Variants in TASOR2 observed in about 807,000 individuals in gnomAD.
TASOR2 encodes the protein protein TASOR 2.
TASOR2 carries 84 observed loss-of-function variants against 199.5 expected under a neutral mutation model. The observed-to-expected ratio is 0.42, with a 90% CI of 0.35 to 0.50. The LOEUF (loss-of-function observed/expected upper bound fraction) is 0.50. Among genes scored for constraint, TASOR2 ranks in the 20% least tolerant of loss-of-function variants. The probability of loss-of-function intolerance (pLI) is 0.02; values close to 1 mark genes in which losing one functional copy is unlikely to be tolerated. For missense variants in TASOR2, 2,796 were observed against 2,835.9 expected (o/e 0.99, Z 0.32); for synonymous variants, 1,103 against 1,046.6 (o/e 1.05, Z -1.04).
intron 2 of TASOR2, among the ~76,000 whole-genome samples, chr10:5,715,394 C>G (rs1022502025): frequency 6.6e-6 from 1 of 152,136 alleles, no homozygotes; most frequent in African/African-American, 2.4e-5. Context: ...TCCCCATTCT[C>G]TACCATCTCT....
chr10:5,692,149 CAA>C (rs3047334), intron 1 of TASOR2, among the ~76,000 whole-genome samples: 8 of 112,254 alleles, frequency 7.1e-5, no homozygotes, highest in South Asian at 3.0e-4. Context: ...CACTCTGTCT[CAA>C]AAAAAAAAAA....
At position 5,740,157 on chromosome 10, in the gene TASOR2, C is replaced by A; in HGVS notation, c.1987C>A (p.His663Asn). ...TTCATATGCCCTGCTCCTTACAGAA[C>A]ATTCAAAGAAACATCTACAGGAGAG... Residue 663 changes from histidine to asparagine, a missense_variant, in exon 13 of 21, where the codon CAT (histidine) becomes AAT (asparagine). By Grantham distance (68) the His-to-Asn change is moderately conservative. Transcript: ENST00000328090. The surrounding 1 kb of genome is among the most constrained non-coding windows in gnomAD (Gnocchi z 5.3). The A allele has an allele frequency of 6.2e-7, 1 of 1,614,230 alleles. No individual in the cohort carries two copies. Among genetic ancestry groups the A allele is most frequent in the Non-Finnish European group, 8.5e-7 (1 of 1,180,048 alleles).
At chr10:5,733,823 G>A (rs2131599477) in intron 11 of TASOR2, among the ~76,000 whole-genome samples, 1 of 152,190 alleles carries the variant, frequency 6.6e-6, no homozygotes, top group Non-Finnish European at 1.5e-5. Context: ...TTTAGAAAAT[G>A]TAATTAGAGT....
chr10:5,742,915 A>G lies in TASOR2; in HGVS notation c.2757+389A>G, dbSNP rs753626570. 5.3e-5 allele frequency among the ~76,000 whole-genome samples: 8 copies of G among 152,260 alleles called. No individual in the cohort carries two copies. Among genetic ancestry groups the G allele is most frequent in the Non-Finnish European group, 8.8e-5 (6 of 68,046 alleles). ...ATAAATCTTAGATATACTTTGATAA[A>G]CCTTAAAGTAAACTAAAATTAATTG... On this transcript the variant is annotated intron_variant, in intron 14 of 20. Transcript: ENST00000328090. This position sits in a 1 kb window ranked among gnomAD's most constrained non-coding sequence, Gnocchi z 4.2.
rs1835811598 is a variant in TASOR2 at position 5,737,606 on chromosome 10, A to G, written c.1448-2012A>G. Among the ~76,000 whole-genome samples the G allele has an allele frequency of 6.6e-6, 1 of 152,036 alleles. No individual in the cohort carries two copies. Among genetic ancestry groups the G allele is most frequent in the South Asian group, 2.1e-4 (1 of 4,820 alleles). On this transcript the variant is annotated intron_variant, in intron 12 of 20. Coordinates refer to ENST00000328090, the Ensembl canonical transcript of TASOR2. This position sits in a 1 kb window ranked among gnomAD's most constrained non-coding sequence, Gnocchi z 4.9. ...TATCCCCACAGGGAGGCGTTTTCTC[A>G]TGTTGTGACTGTAACTAATCTCTCA...
Position 5,719,228 on chromosome 10 carries a change from T to C in TASOR2, c.-99-1316T>C, listed in dbSNP as rs1344298882. 6.6e-6 allele frequency among the ~76,000 whole-genome samples: 1 copy of C among 152,234 alleles called. No individual in the cohort carries two copies. The highest frequency in any genetic ancestry group is 1.5e-5 in the Non-Finnish European group (1 of 68,032). On this transcript the variant is annotated intron_variant, in intron 3 of 20. Transcript: ENST00000328090. This position sits in a 1 kb window ranked among gnomAD's most constrained non-coding sequence, Gnocchi z 4.1. ...TATAGTCCCATATCCCATTTTGATA[T>C]AAGTTAATAACATCTTGTGAACATT... is the stretch of plus-strand genomic sequence containing the variant.
chr10:5,757,540 G>T (rs1209747374), exon 17 of TASOR2: 1 of 1,605,952 alleles, frequency 6.2e-7, no homozygotes, highest in Non-Finnish European at 8.5e-7. Flanking sequence ...TGCTGAAGCT[G>T]AAGCATTTCC....
chr10:5,737,715 A>G lies in TASOR2; in HGVS notation c.1448-1903A>G, dbSNP rs911158824. Reference sequence around the variant, plus strand: ...TGACATGTCTTGGTCCAATCTTTCCAATTTGTAAACATGAGAATAGGTAAC... The same window carrying G: ...TGACATGTCTTGGTCCAATCTTTCCGATTTGTAAACATGAGAATAGGTAAC... On this transcript the variant is annotated intron_variant, in intron 12 of 20. Coordinates refer to ENST00000328090, the Ensembl canonical transcript of TASOR2. This position sits in a 1 kb window ranked among gnomAD's most constrained non-coding sequence, Gnocchi z 4.9. Among the ~76,000 whole-genome samples, 3 of 152,314 alleles carry G rather than the reference A, an allele frequency of 2.0e-5. No homozygotes were observed. Among genetic ancestry groups the G allele is most frequent in the African/African-American group, 7.2e-5 (3 of 41,576 alleles).
At chr10:5,734,379 C>G (rs886309792) in intron 11 of TASOR2, among the ~76,000 whole-genome samples, 1 of 152,186 alleles carries the variant, frequency 6.6e-6, no homozygotes, top group Non-Finnish European at 1.5e-5. Context: ...TCAGGCTTCC[C>G]AGAGCGCTTC....
rs6602819 is a variant in TASOR2 at position 5,690,889 on chromosome 10, A to G, written c.-288+5714A>G. Reference sequence around the variant, plus strand: ...ACCATATAAGCTTTGAAATAATTCTAATGAAAATTATATGACCTTGAGGCT... The same window carrying G: ...ACCATATAAGCTTTGAAATAATTCTGATGAAAATTATATGACCTTGAGGCT... On this transcript the variant is annotated intron_variant, in intron 1 of 20. Coordinates refer to ENST00000328090, the Ensembl canonical transcript of TASOR2. The surrounding 1 kb of genome is among the most constrained non-coding windows in gnomAD (Gnocchi z 4.8). Among the ~76,000 whole-genome samples the G allele has an allele frequency of 0.29, 43,763 of 152,058 alleles. 6,837 individuals are homozygous for G. The highest frequency in any genetic ancestry group is 0.35 in the Non-Finnish European group (23,670 of 67,970).
chr10:5,747,054 C>G, exon 15 of TASOR2: 3 of 1,614,156 alleles, frequency 1.9e-6, no homozygotes, highest in South Asian at 2.2e-5. Context: ...CATCATCAGC[C>G]TCTACCACCT....
At chr10:5,746,365 G>A (rs778866633) in exon 15 of TASOR2, 13 of 1,614,118 alleles carry the variant, frequency 8.1e-6, no homozygotes, top group East Asian at 2.2e-5. Context: ...CAGGACTTAC[G>A]ATGGGCCTGG....
chr10:5,732,333 C>T (rs1257515345), intron 11 of TASOR2, among the ~76,000 whole-genome samples: 1 of 152,258 alleles, frequency 6.6e-6, no homozygotes, highest in African/African-American at 2.4e-5. Flanking sequence ...TCGTCTCTGG[C>T]TGCTCTCATG....
intron 2 of TASOR2, among the ~76,000 whole-genome samples, chr10:5,717,203 A>G (rs1024906039): frequency 3.9e-5 from 6 of 152,078 alleles, no homozygotes; most frequent in African/African-American, 1.4e-4. Flanking sequence ...TAACACTACT[A>G]CTTGTATGTC....
chr10:5,708,634 C>CCCTT (rs59164314), intron 1 of TASOR2, among the ~76,000 whole-genome samples: 1,869 of 98,388 alleles, frequency 0.019, 79 homozygotes, highest in African/African-American at 0.051. Flanking sequence ...CTCCCTTCCT[C>CCCTT]CCTTCCTTCC....
chr10:5,745,871 A>T (rs960093590), intron 14 of TASOR2, among the ~76,000 whole-genome samples: 1 of 152,124 alleles, frequency 6.6e-6, no homozygotes, highest in African/African-American at 2.4e-5. Context: ...CTAAGTAGCA[A>T]ACAGGCTGCA....
intron 20 of TASOR2, 73 bp from the exon 22 acceptor site, chr10:5,762,956 A>C (rs1193564431): frequency 7.0e-7 from 1 of 1,437,970 alleles, no homozygotes; most frequent in African/African-American, 1.4e-5. Flanking sequence ...TCCCCATTAG[A>C]GCATCCCGCT....
rs535166822 is a variant in TASOR2, at chr10:5,709,957, G to A, written c.-287-2866G>A. ...GATATACTTAATGCTTTATAGGCAA[G>A]CACTTTTCAAGTTTTACCGTCTTAG... On this transcript the variant is annotated intron_variant, in intron 1 of 20. Transcript: ENST00000328090. Among the ~76,000 whole-genome samples, 153 of 152,238 alleles carry A rather than the reference G, an allele frequency of 1.0e-3. 1 individual carries two copies. The highest frequency in any genetic ancestry group is 3.5e-3 in the African/African-American group (147 of 41,562).
At chr10:5,714,321 A>G (rs911416777) in intron 2 of TASOR2, 114 bp downstream of exon 3, 22 of 529,532 alleles carry the variant, frequency 4.2e-5, no homozygotes, top group Non-Finnish European at 6.3e-5. Context: ...ATTAAATGTC[A>G]AACAGTTCAT....
Sources: gnomAD v4.1 joint callset for allele counts (sites outside exome capture counted in the v4.1 genomes callset) on GRCh38, gnomAD v4.1.1 for gene constraint, Gnocchi (gnomAD v3.1) non-coding constraint, MANE v1.5 for transcripts, NCBI Gene and HGNC (gene_info 2026-07-23, HGNC 2026-07-21) for gene names.